FBLN2: variants seen among roughly 807,000 people sequenced by gnomAD.
The protein encoded by FBLN2 is fibulin 2, also known as fibulin-2.
Under a neutral mutation model 123.7 loss-of-function variants are expected in FBLN2, and 81 were observed. The observed-to-expected ratio is 0.65, with a 90% confidence interval of 0.55 to 0.79. FBLN2 has a LOEUF of 0.79. FBLN2 is among the 30% of genes least tolerant of loss of function. The pLI is 0.00. For synonymous variants in FBLN2, 699 were observed against 701.4 expected, an observed-to-expected ratio of 1.00 and a Z score of 0.05; for missense variants, 1,603 against 1,681.3, an observed-to-expected ratio of 0.95 and a Z score of 0.81.
At chr3:13,611,849 G>A (rs1327614938) in intron 4 of FBLN2, among the ~76,000 whole-genome samples, 1 of 152,166 alleles carries the variant, frequency 6.6e-6, no homozygotes, top group Non-Finnish European at 1.5e-5. Flanking sequence ...GGAAGACTAG[G>A]GAATGTAGTG....
intron 5 of FBLN2, among the ~76,000 whole-genome samples, chr3:13,615,729 G>C (rs918270148): frequency 1.1e-4 from 17 of 152,370 alleles, no homozygotes; most frequent in Non-Finnish European, 1.8e-4. Flanking sequence ...AGAGGGGGAA[G>C]ATGAGGCCCA....
At chr3:13,576,732 G>C (rs562153428) in intron 2 of FBLN2, among the ~76,000 whole-genome samples, 41 of 130,188 alleles carry the variant, frequency 3.1e-4, no homozygotes, top group African/African-American at 1.5e-3. Flanking sequence ...CCCCCCCCCC[G>C]GGTTCACTCA....
At chr3:13,607,024 G>C (rs543105404) in intron 2 of FBLN2, among the ~76,000 whole-genome samples, 3 of 150,834 alleles carry the variant, frequency 2.0e-5, no homozygotes, top group Admixed American at 6.6e-5. Flanking sequence ...GTCTTGCTCT[G>C]TCACCCAGGC....
At chr3:13,564,154 C>T (rs1484332949) in intron 1 of FBLN2, among the ~76,000 whole-genome samples, 1 of 152,206 alleles carries the variant, frequency 6.6e-6, no homozygotes, top group Admixed American at 6.5e-5. Context: ...ACAAACACAT[C>T]TGTGTGTGAA....
chr3:13,565,349 G>A (rs1703713788), intron 1 of FBLN2, among the ~76,000 whole-genome samples: 1 of 152,250 alleles, frequency 6.6e-6, no homozygotes, highest in African/African-American at 2.4e-5. Flanking sequence ...TGCTCACAGT[G>A]CTGGATGCAC....
intron 1 of FBLN2, among the ~76,000 whole-genome samples, chr3:13,564,204 C>G (rs888283817): frequency 2.6e-5 from 4 of 152,112 alleles, no homozygotes; most frequent in African/African-American, 9.7e-5. Context: ...TCTGCTTGGA[C>G]TTGGGCCCGG....
At chr3:13,632,513 G>T (rs531373993) in intron 16 of FBLN2, among the ~76,000 whole-genome samples, 1 of 152,316 alleles carries the variant, frequency 6.6e-6, no homozygotes, top group African/African-American at 2.4e-5. Flanking sequence ...CCTGTCAGTG[G>T]ATCCTGAGAT....
rs1024876154 is a variant in FBLN2 at position 13,549,142 on chromosome 3, GC to G, written c.-105del. 26 of 982,604 alleles carry G rather than the reference GC, an allele frequency of 2.6e-5. No individual in the cohort carries two copies. Among genetic ancestry groups the G allele is most frequent in the Non-Finnish European group, 2.9e-5 (24 of 828,890 alleles). 60.9% of individuals were successfully genotyped at this position (982,604 alleles called of 1,614,324 possible). ...CCCCGCGCGCACACAGCCAGGGGCC[GC>G]CCGGGCTCTCGACGCGCCGACGGCC... On this transcript the variant is annotated 5_prime_UTR_variant, in exon 1 of 18. Coordinates refer to ENST00000404922, the MANE Select transcript of FBLN2 (RefSeq NM_001004019.2).
At chr3:13,561,423 AC>A (rs950692453) in intron 1 of FBLN2, among the ~76,000 whole-genome samples, 1 of 142,550 alleles carries the variant, frequency 7.0e-6, no homozygotes, top group Non-Finnish European at 1.5e-5. Flanking sequence ...GTGTGTCCCC[AC>A]CCCCCCGCCA....
chr3:13,573,548 T>C (rs763454656), intron 2 of FBLN2, among the ~76,000 whole-genome samples: 2 of 152,122 alleles, frequency 1.3e-5, no homozygotes, highest in Non-Finnish European at 2.9e-5. Context: ...CTGGGTTTTG[T>C]GAACCCTGTA....
chr3:13,610,416 G>C (rs1208707681), intron 4 of FBLN2, among the ~76,000 whole-genome samples: 1 of 152,128 alleles, frequency 6.6e-6, no homozygotes, highest in African/African-American at 2.4e-5. Context: ...GATTGGGATG[G>C]GGTAAAACCC....
intron 2 of FBLN2, among the ~76,000 whole-genome samples, chr3:13,606,916 G>A (rs193199372): frequency 3.7e-4 from 57 of 152,242 alleles, no homozygotes; most frequent in African/African-American, 1.2e-3. Flanking sequence ...GCCTCCCAAA[G>A]TGCTGGGATT....
rs537371527 is a variant in FBLN2, at chr3:13,628,583, A to ATGTGC, written c.2570-315_2570-311dup. On this transcript the variant is annotated intron_variant, in intron 11 of 17. Transcript: ENST00000404922. Reference sequence around the variant, plus strand: ...TCTGTGCCTCTAAAACTTCTTGTTAATGTGCTGTGCTTCCCTGGCAGCTAG... The same window carrying ATGTGC: ...TCTGTGCCTCTAAAACTTCTTGTTAATGTGCTGTGCTGTGCTTCCCTGGCAGCTAG... 3.8e-3 allele frequency among the ~76,000 whole-genome samples: 572 copies of ATGTGC among 152,322 alleles called. 5 individuals carry two copies. The highest frequency in any genetic ancestry group is 0.013 in the African/African-American group (551 of 41,576).
intron 2 of FBLN2, among the ~76,000 whole-genome samples, chr3:13,578,943 T>A (rs566636147): frequency 6.6e-6 from 1 of 152,290 alleles, no homozygotes; most frequent in Non-Finnish European, 1.5e-5. Flanking sequence ...TAATCCCAGC[T>A]GCTTGGGAGG....
chr3:13,569,429 C>T (rs368606246), intron 1 of FBLN2, among the ~76,000 whole-genome samples: 12 of 151,276 alleles, frequency 7.9e-5, no homozygotes, highest in Admixed American at 1.3e-4. Flanking sequence ...AGGGAGGTGG[C>T]GGGGCTGTTC....
intron 1 of FBLN2, among the ~76,000 whole-genome samples, chr3:13,561,076 C>T (rs753537511): frequency 1.2e-4 from 19 of 152,164 alleles, no homozygotes; most frequent in Admixed American, 7.2e-4. Flanking sequence ...CTGCCCGCCC[C>T]CATAGGTCCT....
intron 2 of FBLN2, among the ~76,000 whole-genome samples, chr3:13,572,376 C>A (rs1703992034): frequency 6.6e-6 from 1 of 152,228 alleles, no homozygotes; most frequent in South Asian, 2.1e-4. Context: ...CGAGTGCTTA[C>A]TACTATGTAC....
intron 2 of FBLN2, among the ~76,000 whole-genome samples, chr3:13,587,160 A>T (rs1232470039): frequency 1.3e-5 from 2 of 150,524 alleles, no homozygotes; most frequent in East Asian, 1.9e-4. Context: ...AAAAAAAAAA[A>T]ATAAATAAAT....
At chr3:13,613,543 T>C (rs2124885826) in intron 4 of FBLN2, among the ~76,000 whole-genome samples, 1 of 152,290 alleles carries the variant, frequency 6.6e-6, no homozygotes, top group East Asian at 1.9e-4. Flanking sequence ...CCATCACATA[T>C]GTGCTCCAAG....
Sources: allele counts gnomAD v4.1 joint callset (sites outside exome capture counted in the v4.1 genomes callset), GRCh38; gene constraint gnomAD v4.1.1; transcripts MANE v1.5; gene names NCBI Gene and HGNC (gene_info 2026-07-23, HGNC 2026-07-21).